The following SPATA17 variants were observed in gnomAD, a reference collection of about 807,000 sequenced individuals.
SPATA17 encodes spermatogenesis-associated protein 17.
A neutral mutation model predicts 62.2 loss-of-function variants in SPATA17; 53 were observed. That is an observed-to-expected ratio of 0.85 (90% CI 0.68 to 1.07). SPATA17 has a LOEUF of 1.07. Ranked by LOEUF, SPATA17 falls within the 50% of genes least tolerant of loss-of-function variation. The probability of loss-of-function intolerance (pLI) is 0.00; values close to 1 mark genes in which losing one functional copy is unlikely to be tolerated. For missense variants in SPATA17, 466 were observed against 425.5 expected (o/e 1.10, Z -0.84); for synonymous variants, 146 against 146.8 (o/e 0.99, Z 0.04).
At chr1:217,850,612 G>T (rs1383737388) in intron 9 of SPATA17, 14 of 1,594,392 alleles carry the variant, frequency 8.8e-6, no homozygotes, top group Non-Finnish European at 1.1e-5. Flanking sequence ...TTGCCAGTCA[G>T]GGTCTTCACG....
chr1:217,749,985 CTATATA>C lies in SPATA17; in HGVS notation c.519+7909_519+7914del, dbSNP rs57489651. ...TCTCTCTCTCTCTCTCTCTCTCTCT[CTATATA>C]TATATATATATATATATATATGAGG... On this transcript the variant is annotated intron_variant, in intron 6 of 10. Coordinates refer to ENST00000366933, the MANE Select transcript of SPATA17 (RefSeq NM_138796.4). Among the ~76,000 whole-genome samples, 7 of 12,312 alleles carry C rather than the reference CTATATA, an allele frequency of 5.7e-4. 2 individuals carry two copies. The highest frequency in any genetic ancestry group is 1.1e-3 in the Non-Finnish European group (7 of 6,336). The allele number at this position is 12,312 out of a possible 152,430, so 8.1% of individuals were successfully genotyped here.
chr1:217,748,819 G>A (rs575499439), intron 6 of SPATA17, among the ~76,000 whole-genome samples: 250 of 151,542 alleles, frequency 1.6e-3, no homozygotes, highest in African/African-American at 5.3e-3. Context: ...AGTATCATAA[G>A]TGGAGAGATC....
At chr1:217,800,241 T>C (rs1251491121) in intron 8 of SPATA17, among the ~76,000 whole-genome samples, 1 of 150,612 alleles carries the variant, frequency 6.6e-6, no homozygotes, top group African/African-American at 2.4e-5. Context: ...TAGATTTTAT[T>C]ATACTCTGAT....
intron 4 of SPATA17, among the ~76,000 whole-genome samples, chr1:217,676,844 G>GA (rs1670958289): frequency 6.6e-6 from 1 of 151,808 alleles, no homozygotes; most frequent in East Asian, 1.9e-4. Flanking sequence ...TATGAGGAAT[G>GA]AAAAAAATGG....
chr1:217,790,355 T>C (rs1242335225), intron 8 of SPATA17, among the ~76,000 whole-genome samples: 4 of 152,226 alleles, frequency 2.6e-5, no homozygotes, highest in Admixed American at 2.6e-4. Context: ...TTTCCTTTAT[T>C]TCTGTGCTTG....
chr1:217,743,522 C>T (rs932128928), intron 6 of SPATA17, among the ~76,000 whole-genome samples: 4 of 151,800 alleles, frequency 2.6e-5, no homozygotes, highest in African/African-American at 9.7e-5. Context: ...CTGAATCTTT[C>T]TTAATATGAG....
At chr1:217,797,245 T>C (rs2102985454) in intron 8 of SPATA17, among the ~76,000 whole-genome samples, 1 of 125,862 alleles carries the variant, frequency 7.9e-6, no homozygotes, top group Admixed American at 8.9e-5. Context: ...TTTTCTTTCT[T>C]TCTTTCTTTT....
intron 6 of SPATA17, among the ~76,000 whole-genome samples, chr1:217,771,839 C>T (rs1673454804): frequency 7.3e-4 from 2 of 2,758 alleles, no homozygotes. Flanking sequence ...CACGTGCATG[C>T]AAATGTGCAA....
At chr1:217,633,205 TAA>T (rs1371420008) in intron 1 of SPATA17, among the ~76,000 whole-genome samples, 1 of 147,226 alleles carries the variant, frequency 6.8e-6, no homozygotes, top group Admixed American at 6.7e-5. Flanking sequence ...CTCAAATAAA[TAA>T]ATAAATAAAT....
intron 3 of SPATA17, among the ~76,000 whole-genome samples, chr1:217,652,897 G>T (rs1670357628): frequency 6.6e-6 from 1 of 152,166 alleles, no homozygotes; most frequent in African/African-American, 2.4e-5. Flanking sequence ...GGATAAGAAT[G>T]TGTGGGAGAT....
intron 5 of SPATA17, among the ~76,000 whole-genome samples, chr1:217,705,719 G>A (rs536299224): frequency 6.6e-5 from 10 of 152,200 alleles, no homozygotes; most frequent in East Asian, 5.8e-4. Flanking sequence ...GATTATAGGC[G>A]TGAGCCACCG....
chr1:217,785,520 G>A (rs1295627473), intron 8 of SPATA17, among the ~76,000 whole-genome samples: 1 of 152,064 alleles, frequency 6.6e-6, no homozygotes, highest in African/African-American at 2.4e-5. Flanking sequence ...TCACTATCAT[G>A]AGAACAGCAA....
intron 9 of SPATA17, among the ~76,000 whole-genome samples, chr1:217,822,364 G>C (rs1391631655): frequency 6.7e-6 from 1 of 150,194 alleles, no homozygotes; most frequent in African/African-American, 2.4e-5. Flanking sequence ...TTTTCTAAAA[G>C]ACATGTTTTT....
intron 5 of SPATA17, among the ~76,000 whole-genome samples, chr1:217,730,302 C>T (rs1158741307): frequency 6.6e-6 from 1 of 151,580 alleles, no homozygotes; most frequent in East Asian, 1.9e-4. Context: ...ACTGCAACCT[C>T]TGTCTCCCGG....
intron 4 of SPATA17, among the ~76,000 whole-genome samples, chr1:217,675,839 C>G (rs762105994): frequency 6.6e-5 from 10 of 152,094 alleles, no homozygotes; most frequent in Non-Finnish European, 1.5e-4. Context: ...AGACATTGAA[C>G]CCAGGAGGTC....
rs1333652635 is a variant in SPATA17 at position 217,692,661 on chromosome 1, G to T, written c.395+9300G>T. Among the ~76,000 whole-genome samples the T allele has an allele frequency of 3.7e-4, 42 of 112,812 alleles. 1 individual carries two copies. In the East Asian group the frequency reaches 0.012, roughly 33 times the overall value. The allele number at this position is 112,812 out of a possible 152,430, so 74.0% of individuals were successfully genotyped here. A position where few individuals can be genotyped will look rare whatever the true frequency, so the allele number is the denominator to read the frequency against. Reference sequence around the variant, plus strand: ...GATAGCTCTTATTATTTTGAAATACGTCCCATCAATACCTAATTTCTTGAG... The same window carrying T: ...GATAGCTCTTATTATTTTGAAATACTTCCCATCAATACCTAATTTCTTGAG... On this transcript the variant is annotated intron_variant, in intron 5 of 10. Coordinates refer to ENST00000366933, the MANE Select transcript of SPATA17 (RefSeq NM_138796.4).
chr1:217,732,084 T>TTCTCTCTCTCTCTCTCTCTCTCTCTCTC (rs60691625), intron 5 of SPATA17, among the ~76,000 whole-genome samples: 5 of 148,834 alleles, frequency 3.4e-5, no homozygotes, highest in South Asian at 2.1e-4. Context: ...TTACTCCAGT[T>TTCTCTCTCTCTCTCTCTCTCTCTCTCTC]TCTCTCTCTC....
intron 9 of SPATA17, among the ~76,000 whole-genome samples, chr1:217,833,224 ATGT>A (rs1017661187): frequency 1.3e-5 from 2 of 152,284 alleles, no homozygotes; most frequent in Admixed American, 6.5e-5. Flanking sequence ...TCGGCTATAC[ATGT>A]TGTCTGCCTT....
At chr1:217,749,649 A>AT (rs1485792720) in intron 6 of SPATA17, among the ~76,000 whole-genome samples, 1 of 152,004 alleles carries the variant, frequency 6.6e-6, no homozygotes, top group South Asian at 2.1e-4. Flanking sequence ...AGAAATTGTA[A>AT]TAGTCTCTAA....
Sources: allele counts gnomAD v4.1 joint callset (sites outside exome capture counted in the v4.1 genomes callset), GRCh38; gene constraint gnomAD v4.1.1; transcripts MANE v1.5; gene names NCBI Gene and HGNC (gene_info 2026-07-23, HGNC 2026-07-21).